Variants in FBXL13 observed in about 807,000 individuals in gnomAD.
The protein encoded by FBXL13 is F-box and leucine-rich repeat protein 13.
In FBXL13, 67 loss-of-function variants were observed where a neutral mutation model predicts 83.6. That is an observed-to-expected ratio of 0.80 (90% CI 0.66 to 0.98). The LOEUF is 0.98. Among genes scored for constraint, FBXL13 ranks in the 50% least tolerant of loss-of-function variants. The pLI is 0.00. For missense variants in FBXL13, 822 were observed against 866.5 expected (o/e 0.95, Z 0.64); for synonymous variants, 272 against 299.5 (o/e 0.91, Z 0.95).
chr7:102,854,492 C>G (rs58680618), intron 17 of FBXL13, among the ~76,000 whole-genome samples: 31,844 of 151,936 alleles, frequency 0.21, 3,846 homozygotes, highest in East Asian at 0.59. Context: ...TGCACATTGT[C>G]CACATGTACC....
intron 17 of FBXL13, among the ~76,000 whole-genome samples, chr7:102,833,766 T>G (rs906505537): frequency 6.6e-6 from 1 of 151,970 alleles, no homozygotes; most frequent in African/African-American, 2.4e-5. Flanking sequence ...TCTCTAGCAT[T>G]GTTTTGAAAT....
At chr7:102,820,091 A>G (rs1798591773) in intron 19 of FBXL13, among the ~76,000 whole-genome samples, 1 of 152,196 alleles carries the variant, frequency 6.6e-6, no homozygotes, top group African/African-American at 2.4e-5. Flanking sequence ...GGACTCTCCA[A>G]GCCACTCTAC....
chr7:102,835,289 C>T (rs1034662970), intron 17 of FBXL13, among the ~76,000 whole-genome samples: 3 of 152,190 alleles, frequency 2.0e-5, no homozygotes, highest in Non-Finnish European at 4.4e-5. Context: ...CAGGAGATAG[C>T]TTGGGACCTG....
intron 6 of FBXL13, among the ~76,000 whole-genome samples, chr7:102,994,277 T>C (rs1347610947): frequency 6.6e-6 from 1 of 152,160 alleles, no homozygotes; most frequent in Non-Finnish European, 1.5e-5. Flanking sequence ...GGCTTTTTTT[T>C]CTGTCATATC....
At chr7:102,837,016 G>C (rs1802106915) in intron 17 of FBXL13, among the ~76,000 whole-genome samples, 1 of 152,180 alleles carries the variant, frequency 6.6e-6, no homozygotes, top group Non-Finnish European at 1.5e-5. Flanking sequence ...CTATAATGAA[G>C]ACATTTTTGG....
chr7:103,059,584 A>G (rs999330245), intron 1 of FBXL13, among the ~76,000 whole-genome samples: 5 of 152,240 alleles, frequency 3.3e-5, no homozygotes, highest in African/African-American at 1.2e-4. Context: ...ACAATCAAGG[A>G]CAAAAAAGTC....
At chr7:102,901,065 A>T (rs1048996122) in intron 11 of FBXL13, among the ~76,000 whole-genome samples, 1 of 152,214 alleles carries the variant, frequency 6.6e-6, no homozygotes, top group African/African-American at 2.4e-5. Context: ...AGAGGTTGGC[A>T]AACAGTGGTC....
intron 16 of FBXL13, among the ~76,000 whole-genome samples, chr7:102,867,696 T>TATATATATATATATATATA (rs1491494721): frequency 5.6e-5 from 2 of 35,800 alleles, no homozygotes; most frequent in African/African-American, 3.0e-4. Flanking sequence ...TATATATATA[T>TATATATATATATATATATA]TTTTTTTTTT....
At chr7:102,977,438 C>T (rs1165397487) in intron 6 of FBXL13, among the ~76,000 whole-genome samples, 3 of 152,136 alleles carry the variant, frequency 2.0e-5, no homozygotes, top group Admixed American at 6.5e-5. Flanking sequence ...TTCTAGAAAT[C>T]GCTTCAAACA....
intron 4 of FBXL13, among the ~76,000 whole-genome samples, chr7:103,027,907 T>C (rs1015624255): frequency 3.3e-5 from 5 of 152,236 alleles, no homozygotes; most frequent in African/African-American, 9.6e-5. Flanking sequence ...TTAGATCCAA[T>C]GCCTTTGAAT....
intron 6 of FBXL13, among the ~76,000 whole-genome samples, chr7:103,002,890 T>G (rs887034556): frequency 6.6e-6 from 1 of 152,156 alleles, no homozygotes; most frequent in African/African-American, 2.4e-5. Flanking sequence ...TTAATTGTGT[T>G]GAATCTATTT....
At chr7:102,885,002 A>G (rs1563043257) in intron 11 of FBXL13, among the ~76,000 whole-genome samples, 1 of 152,202 alleles carries the variant, frequency 6.6e-6, no homozygotes, top group African/African-American at 2.4e-5. Context: ...ATAATATCCT[A>G]TTCAATGGAA....
chr7:102,892,178 C>T (rs1411445002), intron 11 of FBXL13, among the ~76,000 whole-genome samples: 3 of 152,152 alleles, frequency 2.0e-5, no homozygotes, highest in Non-Finnish European at 4.4e-5. Flanking sequence ...ATAGGAAACA[C>T]GATCTTAGTC....
intron 17 of FBXL13, among the ~76,000 whole-genome samples, chr7:102,853,390 A>C (rs1451962025): frequency 1.3e-5 from 2 of 152,204 alleles, no homozygotes; most frequent in South Asian, 2.1e-4. Context: ...TAAAGACTTA[A>C]ACGTTAGACC....
At chr7:102,937,209 C>G (rs879480289) in intron 8 of FBXL13, among the ~76,000 whole-genome samples, 5 of 151,884 alleles carry the variant, frequency 3.3e-5, no homozygotes, top group Admixed American at 2.0e-4. Flanking sequence ...GATTATAAGA[C>G]GAAGGGTAGG....
intron 6 of FBXL13, among the ~76,000 whole-genome samples, chr7:102,990,199 G>T (rs913795270): frequency 6.6e-6 from 1 of 152,230 alleles, no homozygotes; most frequent in African/African-American, 2.4e-5. Context: ...AGGGCAAAGA[G>T]AGAGAGCCAA....
chr7:102,994,711 A>G (rs1829917122), intron 6 of FBXL13, among the ~76,000 whole-genome samples: 1 of 152,184 alleles, frequency 6.6e-6, no homozygotes. Flanking sequence ...ACAGAATTCA[A>G]ACTGGCTTAG....
intron 11 of FBXL13, among the ~76,000 whole-genome samples, chr7:102,885,627 G>A (rs1356624100): frequency 6.6e-6 from 1 of 152,058 alleles, no homozygotes; most frequent in East Asian, 1.9e-4. Flanking sequence ...GTTTGATGAA[G>A]TTCAGTTTAT....
At chr7:103,013,254 A>G (rs1192084400) in intron 6 of FBXL13, among the ~76,000 whole-genome samples, 1 of 152,244 alleles carries the variant, frequency 6.6e-6, no homozygotes. Context: ...GCAAGTATTC[A>G]GGACCTGAAC....
Sources: gnomAD v4.1 joint callset for allele counts (sites outside exome capture counted in the v4.1 genomes callset) on GRCh38, gnomAD v4.1.1 for gene constraint, MANE v1.5 for transcripts, NCBI Gene and HGNC (gene_info 2026-07-23, HGNC 2026-07-21) for gene names.